The following PWP1 variants were observed in gnomAD, a reference collection of about 807,000 sequenced individuals.
The protein encoded by PWP1 is PWP1 homolog, endonuclein, also known as periodic tryptophan protein 1 homolog.
Under a neutral mutation model 69.9 loss-of-function variants are expected in PWP1, and 47 were observed. The observed-to-expected ratio is 0.67, with a 90% CI of 0.53 to 0.86. The LOEUF (loss-of-function observed/expected upper bound fraction) is 0.86, where lower values mean the gene tolerates loss of function less well. PWP1 is among the 40% of genes least tolerant of loss of function. The pLI, the probability that PWP1 is intolerant of heterozygous loss-of-function variation, is 0.00. For synonymous variants in PWP1, 222 were observed against 208.2 expected (o/e 1.07, Z -0.57); for missense variants, 551 against 608.8 (o/e 0.91, Z 1.00).
chr12:107,713,127 A>G lies in PWP1; in HGVS notation c.*907A>G, dbSNP rs1346279734. On this transcript the variant is annotated 3_prime_UTR_variant, in exon 15 of 15. Transcript: ENST00000412830. ...GTTCACCAAAACACCTTTTTATACA[A>G]AAGACAGATGTGTGAATTAAAGAGA... is the stretch of plus-strand genomic sequence containing the variant. The G allele has an allele frequency of 3.3e-5, 5 of 152,198 alleles. No individual in the cohort carries two copies. Among genetic ancestry groups the G allele is most frequent in the Non-Finnish European group, 7.3e-5 (5 of 68,032 alleles). The allele number at this position is 152,198 out of a possible 1,614,324, so 9.4% of individuals were successfully genotyped here. A position where few individuals can be genotyped will look rare whatever the true frequency, so the allele number is the denominator to read the frequency against.
chr12:107,696,181 T>A lies in PWP1; in HGVS notation c.503-293T>A, dbSNP rs1389108335. ...CCTAGTAGCTGGGACTACAGGCACG[T>A]ACCACCACACCCAGCTAATTTTTGT... On this transcript the variant is annotated intron_variant, in intron 5 of 14. Coordinates refer to ENST00000412830, the MANE Select transcript of PWP1 (RefSeq NM_007062.3). Among the ~76,000 whole-genome samples, 3 of 151,930 alleles carry A rather than the reference T, an allele frequency of 2.0e-5. No individual in the cohort carries two copies. The East Asian group carries it at 5.8e-4, about 29-fold the overall frequency.
intron 11 of PWP1, among the ~76,000 whole-genome samples, chr12:107,705,825 A>G (rs1173874814): frequency 1.3e-5 from 2 of 152,120 alleles, no homozygotes; most frequent in Non-Finnish European, 2.9e-5. Context: ...ATAGTGCCAC[A>G]ATATGCACTA....
In PWP1 at chr12:107,703,687, C is replaced by G. The variant is rs376285721; in HGVS notation, c.906C>G (p.Val302=). The G allele has an allele frequency of 6.0e-5, 96 of 1,603,896 alleles. No homozygotes were observed. The highest frequency in any genetic ancestry group is 1.5e-4 in the Admixed American group (9 of 59,958). ...AASLAVHTDK[V]QTLQFHPFEA... The stretch of plus-strand genomic sequence containing the variant: ...GCATTTATGTTTCCTCCCTTTAGGT[C>G]CAAACACTGCAGTTTCATCCATTTG... The change falls in exon 10 of 15, where the codon GTC becomes GTG. Residue 302 remains valine, a splice_region_variant and synonymous_variant. Transcript: ENST00000412830.
intron 9 of PWP1, 103 bp from the exon 10 acceptor site, chr12:107,703,582 C>G: frequency 6.3e-6 from 6 of 946,614 alleles, no homozygotes; most frequent in Non-Finnish European, 1.0e-5. Context: ...TTCAGAGGGA[C>G]GCATTTATAG....
intron 10 of PWP1, among the ~76,000 whole-genome samples, chr12:107,704,187 C>G (rs1460544218): frequency 2.6e-5 from 4 of 152,234 alleles, no homozygotes; most frequent in Non-Finnish European, 5.9e-5. Context: ...TTCTTATCCT[C>G]TTGAAGCATG....
At chr12:107,695,508 G>A (rs998309435) in intron 5 of PWP1, among the ~76,000 whole-genome samples, 2 of 152,100 alleles carry the variant, frequency 1.3e-5, no homozygotes, top group African/African-American at 4.8e-5. Flanking sequence ...CAAAGCATAT[G>A]GGGAGGGGTT....
chr12:107,691,417 A>G (rs567266116), intron 3 of PWP1, among the ~76,000 whole-genome samples: 23 of 152,374 alleles, frequency 1.5e-4, no homozygotes, highest in African/African-American at 4.6e-4. Context: ...GTTTTTGAGC[A>G]TGGAACACAT....
intron 3 of PWP1, among the ~76,000 whole-genome samples, chr12:107,690,703 C>T (rs548987881): frequency 3.9e-5 from 6 of 152,244 alleles, no homozygotes; most frequent in South Asian, 2.1e-4. Flanking sequence ...CCTCATGATC[C>T]GCCTGCCTCG....
At chr12:107,691,687 TG>T (rs1889482304) in intron 3 of PWP1, among the ~76,000 whole-genome samples, 1 of 152,182 alleles carries the variant, frequency 6.6e-6, no homozygotes, top group African/African-American at 2.4e-5. Context: ...TTATCGCTGG[TG>T]TACCTCTTTT....
At chr12:107,688,325 G>A in intron 1 of PWP1, 123 bp from the exon 2 acceptor site, 1 of 726,482 alleles carries the variant, frequency 1.4e-6, no homozygotes, top group Non-Finnish European at 2.2e-6. Context: ...ATTGATGTTT[G>A]ATTCTTATCT....
At chr12:107,696,277 C>T (rs1349814049) in intron 5 of PWP1, among the ~76,000 whole-genome samples, 197 bp from the exon 6 acceptor site, 1 of 152,098 alleles carries the variant, frequency 6.6e-6, no homozygotes, top group East Asian at 1.9e-4. Context: ...AAGTGATCCG[C>T]CCACCTTGGC....
At chr12:107,688,084 G>A (rs1169643668) in intron 1 of PWP1, among the ~76,000 whole-genome samples, 1 of 143,222 alleles carries the variant, frequency 7.0e-6, no homozygotes, top group African/African-American at 2.6e-5. Flanking sequence ...ATGTAAGGGT[G>A]ATTTGTTAAG....
rs570482187 is a variant in PWP1 at position 107,686,694 on chromosome 12, C to T, written c.72+723C>T. Among the ~76,000 whole-genome samples, 45 of 152,330 alleles carry T rather than the reference C, an allele frequency of 3.0e-4. 1 individual carries two copies. Among genetic ancestry groups the T allele is most frequent in the African/African-American group, 9.6e-4 (40 of 41,584 alleles). Reference sequence around the variant, plus strand: ...AAAATAGAAAAAGTCCCGCCGGGCGCGGTGGCTCACGCCTGTAATCCCAGC... The same window carrying T: ...AAAATAGAAAAAGTCCCGCCGGGCGTGGTGGCTCACGCCTGTAATCCCAGC... On this transcript the variant is annotated intron_variant, in intron 1 of 14. Transcript: ENST00000412830.
chr12:107,696,324 C>A, intron 5 of PWP1, 150 bp from the exon 6 acceptor site: 1 of 1,219,136 alleles, frequency 8.2e-7, no homozygotes, highest in Non-Finnish European at 1.1e-6. Flanking sequence ...CGAGCCACTG[C>A]GCCCAGCCTG....
chr12:107,693,671 C>T (rs968161903), intron 5 of PWP1, among the ~76,000 whole-genome samples: 9 of 152,248 alleles, frequency 5.9e-5, no homozygotes, highest in Middle Eastern at 6.8e-3. Flanking sequence ...TTCTAGGCTA[C>T]AGTGAGCTGT....
intron 3 of PWP1, among the ~76,000 whole-genome samples, chr12:107,690,684 A>G (rs1303398107): frequency 2.0e-5 from 3 of 152,140 alleles, no homozygotes; most frequent in Non-Finnish European, 4.4e-5. Context: ...GATGGTCTCA[A>G]TCTCCTGACC....
rs1889351370 is a variant in PWP1 at position 107,685,847 on chromosome 12, T to G, written c.-53T>G. On this transcript the variant is annotated 5_prime_UTR_variant, in exon 1 of 15. Coordinates refer to ENST00000412830, the MANE Select transcript of PWP1 (RefSeq NM_007062.3). ...GCGTGTGGCAGCAGTGCGGTCGTGGTCCCTCCCTATGCAGCCTGGTTTCTA... is the reference window on the plus strand; with the variant it reads ...GCGTGTGGCAGCAGTGCGGTCGTGGGCCCTCCCTATGCAGCCTGGTTTCTA... 3 of 1,594,262 alleles carry G rather than the reference T, an allele frequency of 1.9e-6. No individual in the cohort carries two copies. Among genetic ancestry groups the G allele is most frequent in the Non-Finnish European group, 2.6e-6 (3 of 1,163,088 alleles).
At chr12:107,687,353 A>G (rs1355495162) in intron 1 of PWP1, among the ~76,000 whole-genome samples, 1 of 151,992 alleles carries the variant, frequency 6.6e-6, no homozygotes, top group Non-Finnish European at 1.5e-5. Context: ...AGCCTTTCAA[A>G]TACTTGAAGA....
chr12:107,698,404 T>C (rs1458286491), intron 7 of PWP1, among the ~76,000 whole-genome samples: 1 of 152,136 alleles, frequency 6.6e-6, no homozygotes, highest in Non-Finnish European at 1.5e-5. Context: ...CTCACGCCTA[T>C]AGTCCTAGCA....
Sources: gnomAD v4.1 joint callset for allele counts (sites outside exome capture counted in the v4.1 genomes callset) on GRCh38, gnomAD v4.1.1 for gene constraint, MANE v1.5 for transcripts, NCBI Gene and HGNC (gene_info 2026-07-23, HGNC 2026-07-21) for gene names.